Variants in CYP26B1 observed in about 807,000 individuals in gnomAD.
CYP26B1 encodes the protein cytochrome P450 26B1.
Under a neutral mutation model 39.1 loss-of-function variants are expected in CYP26B1, and 8 were observed. The ratio of observed to expected loss-of-function variants is 0.20; its 90% confidence interval spans 0.12 to 0.37. The LOEUF is 0.37. Ranked by LOEUF, CYP26B1 falls within the 10% of genes least tolerant of loss-of-function variation. CYP26B1 has a pLI of 1.00. For missense variants in CYP26B1, 615 were observed against 707.0 expected, an observed-to-expected ratio of 0.87 and a Z score of 1.48; for synonymous variants, 321 against 314.3, an observed-to-expected ratio of 1.02 and a Z score of -0.23.
chr2:72,136,883 C>T (rs72908314), intron 2 of CYP26B1, among the ~76,000 whole-genome samples: 2,970 of 152,280 alleles, frequency 0.02, 105 homozygotes, highest in African/African-American at 0.068. Context: ...TAGAGACCAG[C>T]GCTGGCCAAT....
rs370070762 is a variant in CYP26B1, at chr2:72,132,254, C to T, written c.1512G>A (p.Thr504=). 4.8e-5 allele frequency: 77 copies of T among 1,603,770 alleles called. No homozygotes were observed. The highest frequency in any genetic ancestry group is 6.0e-5 in the Non-Finnish European group (71 of 1,175,604). ...DSNQNEILPE[T]EAMLSATV ...AGACTGTGGCGCTCAGCATGGCCTC[C>T]GTCTCCGGCAGGATCTCGTTCTGGT... Residue 504 remains threonine, a synonymous_variant, in exon 6 of 6, where the codon ACG becomes ACA. Transcript: ENST00000001146.
At chr2:72,144,549 C>T in intron 1 of CYP26B1, 1 of 1,094,174 alleles carries the variant, frequency 9.1e-7, no homozygotes, top group Non-Finnish European at 1.1e-6. Flanking sequence ...CACCCCCACC[C>T]CGCGCTCGGG....
chr2:72,133,295 CCAGGGTCCCGTCCTG>C lies in CYP26B1; in HGVS notation c.862-3_873del. On this transcript the variant is annotated splice_acceptor_variant and splice_polypyrimidine_tract_variant and coding_sequence_variant and intron_variant, in exon 5 of 6. Transcript: ENST00000001146. LOFTEE classifies it high-confidence loss of function. ...GTGGCATAGGCCGCAAAGATCAGCT[CCAGGGTCCCGTCCTG>C]CAGGGCACAGAGGAGAGGTGTTGTT... 6.2e-7 allele frequency: 1 copy of C among 1,605,980 alleles called. No individual in the cohort carries two copies. The highest frequency in any genetic ancestry group is 8.5e-7 in the Non-Finnish European group (1 of 1,179,522).
intron 5 of CYP26B1, 91 bp from the exon 6 acceptor site, chr2:72,132,710 A>T (rs1448886387): frequency 6.6e-7 from 1 of 1,514,864 alleles, no homozygotes; most frequent in Non-Finnish European, 8.8e-7. Context: ...TCAGCCCCAG[A>T]TGTTCAAGAC....
rs1572920748 is a variant in CYP26B1 at position 72,132,279 on chromosome 2, T to C, written c.1487A>G (p.Asn496Ser). 2.5e-6 allele frequency: 4 copies of C among 1,605,716 alleles called. No individual in the cohort carries two copies. Among genetic ancestry groups the C allele is most frequent in the Non-Finnish European group, 3.4e-6 (4 of 1,176,464 alleles). The change falls in exon 6 of 6, where the codon AAC becomes AGC. Residue 496 changes from asparagine (N) to serine (S), a missense_variant. By Grantham distance (46) the Asn-to-Ser change is conservative (BLOSUM62 1). Transcript: ENST00000001146. ...CGTCTCCGGCAGGATCTCGTTCTGG[T>C]TGGAGTCCAGGCCAAAGAACTTGAC... is the stretch of plus-strand genomic sequence containing the variant. The part of the protein sequence containing the change: ...LSVKFFGLDS[N>S]QNEILPETEA...
Position 72,129,531 on chromosome 2 carries a change from C to G in CYP26B1, c.*2696G>C, listed in dbSNP as rs967292125. On this transcript the variant is annotated 3_prime_UTR_variant, in exon 6 of 6. Transcript: ENST00000001146. ...AATAACAAATATTTAACAGCAAAAA[C>G]TTTATACTAAATATCTATTTTGAAT... The G allele has an allele frequency of 6.6e-6, 1 of 152,354 alleles. No homozygotes were observed. The highest frequency in any genetic ancestry group is 6.6e-5 in the Admixed American group (1 of 15,254). 9.4% of individuals were successfully genotyped at this position (152,354 alleles called of 1,614,324 possible).
intron 3 of CYP26B1, 89 bp from the exon 4 acceptor site, chr2:72,135,005 C>A (rs1558967678): frequency 6.2e-7 from 1 of 1,601,226 alleles, no homozygotes; most frequent in Non-Finnish European, 8.5e-7. Flanking sequence ...CCTCCTCCTA[C>A]CCCACGCTGA....
intron 4 of CYP26B1, 131 bp downstream of exon 4, chr2:72,134,630 C>A: frequency 7.1e-7 from 1 of 1,412,156 alleles, no homozygotes. Context: ...GGTCTCCAGC[C>A]ACTGCTCAGA....
At position 72,145,203 on chromosome 2, in the gene CYP26B1, C is replaced by G. The variant is rs148835714; in HGVS notation, c.205-990G>C. ...CCAGATCTACCCGCTCCTGCACCCC[C>G]GAGGGGACAACTCAGTCCCCCTAGC... On this transcript the variant is annotated intron_variant, in intron 1 of 5. Transcript: ENST00000001146. Among the ~76,000 whole-genome samples the G allele has an allele frequency of 7.1e-3, 1,087 of 152,374 alleles. 12 individuals carry two copies. Among genetic ancestry groups the G allele is most frequent in the African/African-American group, 0.024 (985 of 41,598 alleles).
chr2:72,147,620 C>A lies in CYP26B1; in HGVS notation c.204+11G>T. ...GGACCCCGGAGTGCAGCGGAGCGAG[C>A]GCGCCCTTACCTGCAGCAGCCAGTG... On this transcript the variant is annotated intron_variant, in intron 1 of 5. Coordinates refer to ENST00000001146, the MANE Select transcript of CYP26B1 (RefSeq NM_019885.4). This position sits in a 1 kb window ranked among gnomAD's most constrained non-coding sequence, Gnocchi z 6.1. The A allele has an allele frequency of 1.9e-6, 3 of 1,604,570 alleles. No individual in the cohort carries two copies. Among genetic ancestry groups the A allele is most frequent in the South Asian group, 2.2e-5 (2 of 89,486 alleles).
chr2:72,144,515 T>A lies in CYP26B1; in HGVS notation c.205-302A>T, dbSNP rs1421160250. The A allele has an allele frequency of 5.2e-6, 6 of 1,156,692 alleles. No individual in the cohort carries two copies. In the East Asian group the frequency reaches 2.5e-4, roughly 48 times the overall value. The allele number at this position is 1,156,692 out of a possible 1,614,324, so 71.7% of individuals were successfully genotyped here. ...CGGACAGCTGGACCCGAAGCGGGAG[T>A]CTCCGCCCCCACCCCCACCCCCACA... is the stretch of plus-strand genomic sequence containing the variant. On this transcript the variant is annotated intron_variant, in intron 1 of 5. Coordinates refer to ENST00000001146, the MANE Select transcript of CYP26B1 (RefSeq NM_019885.4).
Position 72,147,593 on chromosome 2 carries a change from G to A in CYP26B1, c.204+38C>T, listed in dbSNP as rs774629956. ...TCCGTCTGCCCCGCGCTCGCAGCTA[G>A]CGGACCCCGGAGTGCAGCGGAGCGA... On this transcript the variant is annotated intron_variant, in intron 1 of 5. Transcript: ENST00000001146. The surrounding 1 kb of genome is among the most constrained non-coding windows in gnomAD (Gnocchi z 6.1). 1 of 1,575,792 alleles carries A rather than the reference G, an allele frequency of 6.3e-7. No homozygotes were observed. Among genetic ancestry groups the A allele is most frequent in the Non-Finnish European group, 8.6e-7 (1 of 1,164,226 alleles).
At chr2:72,144,414 G>C in intron 1 of CYP26B1, 1 of 1,373,598 alleles carries the variant, frequency 7.3e-7, no homozygotes, top group Non-Finnish European at 9.4e-7. Flanking sequence ...AATAAATAAT[G>C]CAAGGAGGCG....
chr2:72,143,620 CG>C (rs111506313), intron 2 of CYP26B1, among the ~76,000 whole-genome samples: 11 of 152,352 alleles, frequency 7.2e-5, no homozygotes, highest in African/African-American at 2.4e-4. Flanking sequence ...CTCCAGTCCT[CG>C]GAATTCCCTG....
chr2:72,135,026 C>CT (rs2104049456), intron 3 of CYP26B1, 110 bp from the exon 4 acceptor site: 3 of 1,600,224 alleles, frequency 1.9e-6, no homozygotes, highest in Non-Finnish European at 2.5e-6. Flanking sequence ...CACCTCTCCC[C>CT]TTTGTCCATG....
chr2:72,132,919 C>T (rs978139012), intron 5 of CYP26B1, 104 bp downstream of exon 5: 9 of 1,550,280 alleles, frequency 5.8e-6, no homozygotes, highest in Admixed American at 5.5e-5. Flanking sequence ...CACTGTTTCC[C>T]CATCAGGCCT....
chr2:72,134,225 G>A (rs1448624609), intron 4 of CYP26B1, among the ~76,000 whole-genome samples: 4 of 151,806 alleles, frequency 2.6e-5, no homozygotes, highest in Non-Finnish European at 5.9e-5. Context: ...GGGGATGGGC[G>A]AGTGAGCCCT....
Position 72,129,659 on chromosome 2 carries a change from G to C in CYP26B1, c.*2568C>G, listed in dbSNP as rs1676496162. ...TATAAAATAATATTATAGCCATCTG[G>C]GCAGGGTCACGGTGGTGCCCAGAAC... On this transcript the variant is annotated 3_prime_UTR_variant, in exon 6 of 6. Transcript: ENST00000001146. 1 of 152,318 alleles carries C rather than the reference G, an allele frequency of 6.6e-6. No homozygotes were observed. Among genetic ancestry groups the C allele is most frequent in the African/African-American group, 2.4e-5 (1 of 41,340 alleles). 9.4% of individuals were successfully genotyped at this position (152,318 alleles called of 1,614,324 possible). A position where few individuals can be genotyped will look rare whatever the true frequency, so the allele number is the denominator to read the frequency against.
chr2:72,130,298 C>T lies in CYP26B1; in HGVS notation c.*1929G>A. 6.6e-6 allele frequency: 1 copy of T among 152,262 alleles called. No homozygotes were observed. Among genetic ancestry groups the T allele is most frequent in the East Asian group, 1.9e-4 (1 of 5,204 alleles). The allele number at this position is 152,262 out of a possible 1,614,324, so 9.4% of individuals were successfully genotyped here. Reference sequence around the variant, plus strand: ...AAGCTTTGACAAGTCTTTACCCATTCTGGCCTGTTTTTCAGGATTAGGGAT... The same window carrying T: ...AAGCTTTGACAAGTCTTTACCCATTTTGGCCTGTTTTTCAGGATTAGGGAT... On this transcript the variant is annotated 3_prime_UTR_variant, in exon 6 of 6. Coordinates refer to ENST00000001146, the MANE Select transcript of CYP26B1 (RefSeq NM_019885.4).
Sources: allele counts gnomAD v4.1 joint callset (sites outside exome capture counted in the v4.1 genomes callset), GRCh38; gene constraint gnomAD v4.1.1; non-coding constraint Gnocchi (gnomAD v3.1); transcripts MANE v1.5; gene names NCBI Gene and HGNC (gene_info 2026-07-23, HGNC 2026-07-21).